The following TMPRSS11E variants were observed in gnomAD, a reference collection of about 807,000 sequenced individuals.
TMPRSS11E encodes transmembrane serine protease 11E.
A neutral mutation model predicts 48.1 loss-of-function variants in TMPRSS11E; 38 were observed. That is an observed-to-expected ratio of 0.79 (90% CI 0.61 to 1.04). The LOEUF is 1.04. TMPRSS11E is among the 50% of genes least tolerant of loss of function. The pLI is 0.00. For synonymous variants in TMPRSS11E, 158 were observed against 171.9 expected (o/e 0.92, Z 0.63); for missense variants, 530 against 510.8 (o/e 1.04, Z -0.36).
At chr4:68,458,514 A>T (rs140028572) in intron 1 of TMPRSS11E, among the ~76,000 whole-genome samples, 2 of 152,222 alleles carry the variant, frequency 1.3e-5, no homozygotes, top group Non-Finnish European at 2.9e-5. Flanking sequence ...ATAGGTGCAC[A>T]TAAGTTTTGA....
chr4:68,472,735 G>A (rs141572538), intron 5 of TMPRSS11E, among the ~76,000 whole-genome samples: 4,431 of 152,082 alleles, frequency 0.029, 236 homozygotes, highest in African/African-American at 0.1. Context: ...TAATTTATGC[G>A]CCTTAGCACA....
chr4:68,469,101 C>A (rs1728996560), intron 4 of TMPRSS11E, among the ~76,000 whole-genome samples, 155 bp downstream of exon 4: 2 of 152,188 alleles, frequency 1.3e-5, no homozygotes, highest in African/African-American at 4.8e-5. Flanking sequence ...GTCCCTTATT[C>A]ATTCCTTAAA....
At chr4:68,487,996 C>T (rs1469797558) in intron 9 of TMPRSS11E, among the ~76,000 whole-genome samples, 1 of 147,826 alleles carries the variant, frequency 6.8e-6, no homozygotes, top group East Asian at 2.0e-4. Flanking sequence ...TCCCCAATCT[C>T]TTTTGGCTTA....
chr4:68,494,703 C>T (rs565169688), intron 9 of TMPRSS11E, among the ~76,000 whole-genome samples: 45 of 152,236 alleles, frequency 3.0e-4, no homozygotes, highest in African/African-American at 1.0e-3. Context: ...GAAGAATTAA[C>T]AAATATAATA....
chr4:68,460,436 C>A (rs1728757101), intron 1 of TMPRSS11E, among the ~76,000 whole-genome samples: 1 of 152,156 alleles, frequency 6.6e-6, no homozygotes, highest in African/African-American at 2.4e-5. Context: ...GGTTATCCCG[C>A]CCCTTACTGA....
At chr4:68,466,867 T>C in intron 3 of TMPRSS11E, 115 bp downstream of exon 3, 5 of 1,346,220 alleles carry the variant, frequency 3.7e-6, no homozygotes, top group Non-Finnish European at 5.2e-6. Flanking sequence ...ATTTGCAAAA[T>C]GAAAAGAGGC....
intron 4 of TMPRSS11E, among the ~76,000 whole-genome samples, chr4:68,469,367 A>G (rs1197446787): frequency 6.6e-6 from 1 of 151,942 alleles, no homozygotes; most frequent in African/African-American, 2.4e-5. Context: ...CATTCTCAAA[A>G]TATGTAGCTG....
At chr4:68,468,267 GT>G (rs1728976112) in intron 3 of TMPRSS11E, among the ~76,000 whole-genome samples, 1 of 152,056 alleles carries the variant, frequency 6.6e-6, no homozygotes, top group South Asian at 2.1e-4. Flanking sequence ...AAAAAATTAA[GT>G]TGCCTAGAAT....
intron 2 of TMPRSS11E, 29 bp from the exon 3 acceptor site, chr4:68,466,602 A>G (rs1341261009): frequency 1.2e-6 from 2 of 1,605,968 alleles, no homozygotes; most frequent in East Asian, 4.5e-5. Context: ...GATAAAAATT[A>G]TGATAGTGTT....
At chr4:68,464,672 A>G (rs1728880013) in intron 2 of TMPRSS11E, among the ~76,000 whole-genome samples, 1 of 152,202 alleles carries the variant, frequency 6.6e-6, no homozygotes, top group Non-Finnish European at 1.5e-5. Flanking sequence ...GTTAAACCAT[A>G]TGAAATTGCC....
chr4:68,491,109 C>T (rs2109721685), intron 9 of TMPRSS11E, among the ~76,000 whole-genome samples: 1 of 151,944 alleles, frequency 6.6e-6, no homozygotes. Context: ...GGCCTTCTTA[C>T]AGCCTGGTAA....
chr4:68,483,078 C>G (rs1729453028), intron 9 of TMPRSS11E, among the ~76,000 whole-genome samples: 1 of 152,140 alleles, frequency 6.6e-6, no homozygotes, highest in Admixed American at 6.5e-5. Context: ...TAAGAAATAT[C>G]TGAGGCTGGG....
intron 1 of TMPRSS11E, among the ~76,000 whole-genome samples, chr4:68,451,393 G>A (rs1437614388): frequency 6.6e-6 from 1 of 151,870 alleles, no homozygotes; most frequent in Middle Eastern, 3.2e-3. Context: ...CAGAAACACT[G>A]AGTCATGCCA....
Position 68,488,898 on chromosome 4 carries a change from C to T in TMPRSS11E, c.1111-7745C>T, listed in dbSNP as rs555096501. ...CAGCTCTTGTGTTATTTTATTGATG[C>T]CATAAGTTCCTTAGACTGTGTTTCA... On this transcript the variant is annotated intron_variant, in intron 9 of 9. Coordinates refer to ENST00000305363, the MANE Select transcript of TMPRSS11E (RefSeq NM_014058.4). Among the ~76,000 whole-genome samples the T allele has an allele frequency of 2.0e-5, 3 of 152,270 alleles. No individual in the cohort carries two copies. The South Asian group carries it at 6.2e-4, about 32-fold the overall frequency.
chr4:68,482,585 C>A (rs1286696341), intron 9 of TMPRSS11E, among the ~76,000 whole-genome samples: 1 of 81,804 alleles, frequency 1.2e-5, no homozygotes, highest in Non-Finnish European at 2.5e-5. Flanking sequence ...AAAACTGCAT[C>A]TCCACAAAAA....
intron 5 of TMPRSS11E, among the ~76,000 whole-genome samples, 158 bp downstream of exon 5, chr4:68,471,781 T>A (rs1269086721): frequency 2.6e-5 from 4 of 151,908 alleles, no homozygotes; most frequent in African/African-American, 9.7e-5. Context: ...TGAAGTATTT[T>A]AATTTTTAAG....
rs1383681473 is a variant in TMPRSS11E at position 68,471,530 on chromosome 4, A to T, written c.397A>T (p.Thr133Ser). 1 of 1,611,126 alleles carries T rather than the reference A, an allele frequency of 6.2e-7. No homozygotes were observed. The highest frequency in any genetic ancestry group is 1.7e-4 in the Middle Eastern group (1 of 6,054). The change falls in exon 5 of 10, where the codon ACT becomes TCT. Residue 133 changes from threonine (T) to serine (S), a missense_variant. Coordinates refer to ENST00000305363, the MANE Select transcript of TMPRSS11E (RefSeq NM_014058.4). ...CRFHSTEDPE[T>S]VDKIVQLVLH... ...ATTTCACTCTACTGAGGATCCTGAAACTGTAGATAAAATTGTTCAACTTGT... is the reference window on the plus strand; with the variant it reads ...ATTTCACTCTACTGAGGATCCTGAATCTGTAGATAAAATTGTTCAACTTGT...
intron 9 of TMPRSS11E, among the ~76,000 whole-genome samples, chr4:68,490,166 A>G (rs1729676730): frequency 6.6e-6 from 1 of 152,134 alleles, no homozygotes; most frequent in African/African-American, 2.4e-5. Context: ...CAGGGTTACC[A>G]GCTTCCTTCC....
intron 5 of TMPRSS11E, 89 bp downstream of exon 5, chr4:68,471,712 C>T: frequency 1.0e-6 from 1 of 986,770 alleles, no homozygotes; most frequent in African/African-American, 1.7e-5. Context: ...TTTTGATGTC[C>T]TTTAATTCTG....
Sources: allele counts gnomAD v4.1 joint callset (sites outside exome capture counted in the v4.1 genomes callset), GRCh38; gene constraint gnomAD v4.1.1; transcripts MANE v1.5; gene names NCBI Gene and HGNC (gene_info 2026-07-23, HGNC 2026-07-21).